Variants in VPS13B observed in about 807,000 individuals in gnomAD.
The protein encoded by VPS13B is vacuolar protein sorting 13 homolog B, also known as intermembrane lipid transfer protein VPS13B.
VPS13B carries 285 observed loss-of-function variants against 426.4 expected under a neutral mutation model. The observed-to-expected ratio is 0.67, with a 90% confidence interval of 0.61 to 0.74. The LOEUF (loss-of-function observed/expected upper bound fraction) is 0.74. Ranked by LOEUF, VPS13B falls within the 30% of genes least tolerant of loss-of-function variation. The pLI is 0.00. For missense variants in VPS13B, 4,537 were observed against 4,782.6 expected, an observed-to-expected ratio of 0.95 and a Z score of 1.51; for synonymous variants, 1,676 against 1,676.4, an observed-to-expected ratio of 1.00 and a Z score of 0.01.
chr8:99,376,845 A>G (rs918162424), intron 19 of VPS13B, among the ~76,000 whole-genome samples: 4 of 152,176 alleles, frequency 2.6e-5, no homozygotes, highest in African/African-American at 9.6e-5. Context: ...TATAGTATAT[A>G]ATATGGCCTG....
chr8:99,431,626 G>A lies in VPS13B; in HGVS notation c.3172G>A (p.Gly1058Arg). Residue 1058 changes from glycine to arginine, a missense_variant, in exon 22 of 62, where the codon GGA becomes AGA. Coordinates refer to ENST00000357162, the MANE Select transcript of VPS13B (RefSeq NM_152564.5). ...SPEERMKEFI[G>R]IVWNAVKHLT... ...TGAAGAAAGAATGAAGGAATTTATTGGAATTGTTTGGAATGCAGTGAAGCA... is the reference window on the plus strand; with the variant it reads ...TGAAGAAAGAATGAAGGAATTTATTAGAATTGTTTGGAATGCAGTGAAGCA... The A allele has an allele frequency of 6.2e-7, 1 of 1,613,252 alleles. No individual in the cohort carries two copies. Among genetic ancestry groups the A allele is most frequent in the Non-Finnish European group, 8.5e-7 (1 of 1,179,676 alleles).
chr8:99,287,962 A>G (rs970923297), intron 19 of VPS13B, among the ~76,000 whole-genome samples: 1 of 152,018 alleles, frequency 6.6e-6, no homozygotes, highest in Non-Finnish European at 1.5e-5. Context: ...TTCTAAAACT[A>G]TATCCCAAGT....
At chr8:99,200,754 A>C (rs534439095) in intron 17 of VPS13B, among the ~76,000 whole-genome samples, 2 of 151,930 alleles carry the variant, frequency 1.3e-5, no homozygotes, top group African/African-American at 4.8e-5. Context: ...TTTTTCTTTT[A>C]AATTGTGAGA....
chr8:99,490,110 AG>A (rs1184739217), intron 25 of VPS13B, among the ~76,000 whole-genome samples: 2 of 152,182 alleles, frequency 1.3e-5, no homozygotes, highest in African/African-American at 4.8e-5. Flanking sequence ...TTTAGCATGA[AG>A]GGCTGTTGAA....
intron 17 of VPS13B, among the ~76,000 whole-genome samples, chr8:99,222,871 C>G (rs892263108): frequency 2.0e-5 from 3 of 152,200 alleles, no homozygotes; most frequent in Non-Finnish European, 4.4e-5. Context: ...GAGTCTTACT[C>G]TGCCGCCCAG....
intron 21 of VPS13B, among the ~76,000 whole-genome samples, chr8:99,394,875 GATA>G (rs777051399): frequency 2.0e-5 from 3 of 152,214 alleles, no homozygotes; most frequent in Non-Finnish European, 4.4e-5. Flanking sequence ...GAAGACATGT[GATA>G]ATGATGTAGA....
Position 99,732,902 on chromosome 8 carries a change from G to A in VPS13B, c.7050+11855G>A, listed in dbSNP as rs183535618. ...GTAAATGGAAAACATTTGCAAACTGGAAGAATACTGAAGTCATTTTTATCC... is the reference window on the plus strand; with the variant it reads ...GTAAATGGAAAACATTTGCAAACTGAAAGAATACTGAAGTCATTTTTATCC... On this transcript the variant is annotated intron_variant, in intron 39 of 61. Coordinates refer to ENST00000357162, the MANE Select transcript of VPS13B (RefSeq NM_152564.5). 1.7e-3 allele frequency among the ~76,000 whole-genome samples: 260 copies of A among 152,338 alleles called. 1 individual carries two copies. Among genetic ancestry groups the A allele is most frequent in the Non-Finnish European group, 3.1e-3 (208 of 68,036 alleles).
chr8:99,575,823 T>C, intron 32 of VPS13B, 39 bp downstream of exon 32: 1 of 1,596,800 alleles, frequency 6.3e-7, no homozygotes, highest in Non-Finnish European at 8.6e-7. Context: ...GTCTAAATAA[T>C]GGAATTGCTC....
At position 99,642,404 on chromosome 8, in the gene VPS13B, C is replaced by A; in HGVS notation, c.5814C>A (p.Ser1938=). 3 of 1,614,070 alleles carry A rather than the reference C, an allele frequency of 1.9e-6. No homozygotes were observed. Among genetic ancestry groups the A allele is most frequent in the Non-Finnish European group, 2.5e-6 (3 of 1,179,976 alleles). Residue 1938 remains serine, a synonymous_variant, in exon 34 of 62, where the codon TCC becomes TCA. Coordinates refer to ENST00000357162, the MANE Select transcript of VPS13B (RefSeq NM_152564.5). ...PFLYFIVSQP[S]LLLSCHHRKQ... ...TGTACTTTATTGTGTCCCAGCCTTC[C>A]TTGCTTCTGAGTTGTCACCACAGAA...
At chr8:99,318,997 C>T (rs868438180) in intron 19 of VPS13B, among the ~76,000 whole-genome samples, 1 of 152,070 alleles carries the variant, frequency 6.6e-6, no homozygotes, top group Non-Finnish European at 1.5e-5. Flanking sequence ...TCTTATGTCC[C>T]TTTACTATCT....
At chr8:99,872,214 C>T (rs944453270) in intron 61 of VPS13B, among the ~76,000 whole-genome samples, 2 of 152,172 alleles carry the variant, frequency 1.3e-5, no homozygotes, top group African/African-American at 4.8e-5. Flanking sequence ...AGGACCAATG[C>T]AGAAGCAAGG....
chr8:99,438,104 A>G (rs972115265), intron 22 of VPS13B, among the ~76,000 whole-genome samples: 32 of 134,010 alleles, frequency 2.4e-4, no homozygotes, highest in African/African-American at 8.2e-4. Flanking sequence ...GTTTAATGGC[A>G]TTTTTAATTT....
intron 8 of VPS13B, among the ~76,000 whole-genome samples, chr8:99,122,471 C>T (rs1437875809): frequency 2.0e-5 from 3 of 151,832 alleles, no homozygotes; most frequent in Non-Finnish European, 2.9e-5. Context: ...TCCCAGTACC[C>T]CTGCACTTCA....
At chr8:99,032,180 T>C (rs1479986302) in intron 2 of VPS13B, among the ~76,000 whole-genome samples, 2 of 152,172 alleles carry the variant, frequency 1.3e-5, no homozygotes, top group Non-Finnish European at 2.9e-5. Context: ...TATGCTGACA[T>C]GTGGAGTTTC....
chr8:99,390,605 T>C (rs1369797052), intron 20 of VPS13B, among the ~76,000 whole-genome samples: 1 of 152,186 alleles, frequency 6.6e-6, no homozygotes, highest in Non-Finnish European at 1.5e-5. Context: ...AAACTTTGGT[T>C]GTGGTACTGA....
At chr8:99,704,008 T>C (rs1400696866) in intron 36 of VPS13B, among the ~76,000 whole-genome samples, 1 of 152,146 alleles carries the variant, frequency 6.6e-6, no homozygotes. Flanking sequence ...AGAACCTTAA[T>C]GAGGTCATCT....
chr8:99,535,132 A>G (rs1029649862), intron 30 of VPS13B, among the ~76,000 whole-genome samples: 3 of 152,194 alleles, frequency 2.0e-5, no homozygotes, highest in African/African-American at 7.2e-5. Context: ...AATTAATTTA[A>G]TGTGCAGAAT....
At chr8:99,680,168 G>A (rs1831102018) in intron 35 of VPS13B, among the ~76,000 whole-genome samples, 1 of 152,102 alleles carries the variant, frequency 6.6e-6, no homozygotes, top group Admixed American at 6.5e-5. Context: ...AAGCCATATT[G>A]AATTCATTGG....
intron 25 of VPS13B, among the ~76,000 whole-genome samples, chr8:99,483,846 A>T (rs1820167126): frequency 6.6e-6 from 1 of 152,154 alleles, no homozygotes; most frequent in African/African-American, 2.4e-5. Flanking sequence ...TTGGTCATAC[A>T]TCTAGAGACT....
Sources: gnomAD v4.1 joint callset for allele counts (sites outside exome capture counted in the v4.1 genomes callset) on GRCh38, gnomAD v4.1.1 for gene constraint, MANE v1.5 for transcripts, NCBI Gene and HGNC (gene_info 2026-07-23, HGNC 2026-07-21) for gene names.